F8: variants seen among roughly 807,000 people sequenced by gnomAD.
F8 encodes antihemophilic factor.
F8 carries 12 observed loss-of-function variants against 140.6 expected under a neutral mutation model. The observed-to-expected ratio is 0.09, with a 90% CI of 0.05 to 0.14. The LOEUF is 0.14. Ranked by LOEUF, F8 falls within the 10% of genes least tolerant of loss-of-function variation. The probability of loss-of-function intolerance (pLI) is 1.00; values close to 1 mark genes in which losing one functional copy is unlikely to be tolerated. For missense variants in F8, 1,354 were observed against 1,720.7 expected, an observed-to-expected ratio of 0.79 and a Z score of 3.77; for synonymous variants, 585 against 614.6, an observed-to-expected ratio of 0.95 and a Z score of 0.71.
intron 22 of F8, among the ~76,000 whole-genome samples, chrX:154,874,597 C>T (rs994375123): frequency 1.7e-4 from 19 of 112,239 alleles, no homozygotes; most frequent in African/African-American, 5.8e-4. Context: ...CCATTCGGCC[C>T]TACCTCCCAA....
In F8 at chrX:154,837,207, C is replaced by A. The variant is rs782302954; in HGVS notation, c.*390G>T. 5.0e-6 allele frequency: 1 copy of A among 200,561 alleles called. No individual in the cohort carries two copies. Among genetic ancestry groups the A allele is most frequent in the East Asian group, 1.2e-4 (1 of 8,576 alleles). The allele number at this position is 200,561 out of a possible 1,213,427, so 16.5% of individuals were successfully genotyped here. ...TTTATTTTAAACGTATGAGGCTTAA[C>A]CTGAAATGTTAACATCATAAATATC... On this transcript the variant is annotated 3_prime_UTR_variant, in exon 26 of 26. Transcript: ENST00000360256.
At chrX:154,943,862 C>T (rs1448593591) in intron 13 of F8, among the ~76,000 whole-genome samples, 2 of 111,258 alleles carry the variant, frequency 1.8e-5, no homozygotes, top group Admixed American at 9.6e-5. Flanking sequence ...AGAAATAACG[C>T]CACGCATCTA....
At chrX:155,018,104 G>A (rs1249870952) in intron 1 of F8, among the ~76,000 whole-genome samples, 7 of 109,320 alleles carry the variant, frequency 6.4e-5, no homozygotes, top group African/African-American at 2.0e-4. Context: ...CTGACCTCAG[G>A]TGATCTGCCT....
chrX:154,844,646 CCTGAGACTTTG>C (rs2072549121), intron 25 of F8, among the ~76,000 whole-genome samples: 1 of 111,427 alleles, frequency 9.0e-6, no homozygotes, highest in Non-Finnish European at 1.9e-5. Context: ...GATTTTGTAT[CCTGAGACTTTG>C]CTGAAGTTGC....
At chrX:154,917,053 T>C (rs1323573589) in intron 14 of F8, among the ~76,000 whole-genome samples, 1 of 111,904 alleles carries the variant, frequency 8.9e-6, no homozygotes, top group Non-Finnish European at 1.9e-5. Context: ...TTCAGGAGCA[T>C]GTTGTTTAAT....
chrX:155,000,055 C>T (rs1439919971), intron 1 of F8, among the ~76,000 whole-genome samples: 2 of 112,326 alleles, frequency 1.8e-5, no homozygotes, highest in African/African-American at 6.5e-5. Flanking sequence ...ATCAGTCCTA[C>T]ATTAATGTTC....
chrX:154,920,452 C>T (rs2073123497), intron 14 of F8, among the ~76,000 whole-genome samples: 1 of 110,395 alleles, frequency 9.1e-6, no homozygotes, highest in Non-Finnish European at 1.9e-5. Context: ...CTTCCTCCTA[C>T]ATATTATTAT....
chrX:154,931,047 C>T lies in F8; in HGVS notation c.2743G>A (p.Ala915Thr), dbSNP rs782177467. 2.4e-5 allele frequency: 29 copies of T among 1,194,801 alleles called. No individual in the cohort carries two copies. The highest frequency in any genetic ancestry group is 3.2e-5 in the Non-Finnish European group (28 of 887,864). The change falls in exon 14 of 26, where the codon GCA becomes ACA. Residue 915 changes from alanine (A) to threonine (T), a missense_variant. Around this residue, in one of 4 missense-constraint regions of F8, gnomAD observed 658 missense variants for 666.5 expected, o/e 0.99. Coordinates refer to ENST00000360256, the MANE Select transcript of F8 (RefSeq NM_000132.4). ...ISTIPSDNLAAGTDNTSSLGP... is the reference protein window; with the variant it reads ...ISTIPSDNLATGTDNTSSLGP... ...AAGGAACTTGTATTATCAGTACCTG[C>T]TGCCAAATTGTCTGATGGAATTGTT...
rs1557270916 is a variant in F8, at chrX:154,836,435, G to A, written c.*1162C>T. On this transcript the variant is annotated 3_prime_UTR_variant, in exon 26 of 26. Coordinates refer to ENST00000360256, the MANE Select transcript of F8 (RefSeq NM_000132.4). ...AAGAAGGGGGATCCTATTGTGTGGT[G>A]ATATGGCAGACTGGAGTGTTTTTTC... is the stretch of plus-strand genomic sequence containing the variant. The A allele has an allele frequency of 9.0e-6, 1 of 111,268 alleles. No individual in the cohort carries two copies. Among genetic ancestry groups the A allele is most frequent in the Non-Finnish European group, 1.9e-5 (1 of 53,067 alleles). The allele number at this position is 111,268 out of a possible 1,213,427, so 9.2% of individuals were successfully genotyped here.
At chrX:154,964,446 G>A (rs2073413675) in intron 9 of F8, among the ~76,000 whole-genome samples, 2 of 111,790 alleles carry the variant, frequency 1.8e-5, no homozygotes, top group Admixed American at 1.9e-4. Context: ...TTTTGAAGAA[G>A]TACAATGAAA....
intron 18 of F8, 149 bp from the exon 19 acceptor site, chrX:154,902,316 G>C: frequency 2.0e-6 from 1 of 500,048 alleles, no homozygotes; most frequent in East Asian, 3.6e-5. Context: ...TGCTTGCTAC[G>C]TGACCCTTAC....
chrX:154,923,175 G>A (rs1557277686), intron 14 of F8, among the ~76,000 whole-genome samples: 1 of 111,509 alleles, frequency 9.0e-6, no homozygotes, highest in Admixed American at 9.5e-5. Flanking sequence ...TATTATTACA[G>A]AAGCAGTGCA....
chrX:154,839,569 A>T (rs911806823), intron 25 of F8, among the ~76,000 whole-genome samples: 1 of 110,036 alleles, frequency 9.1e-6, no homozygotes, highest in Non-Finnish European at 1.9e-5. Flanking sequence ...TCACTGTGTT[A>T]GCCAGGATGG....
chrX:154,878,001 T>TA (rs782218719), intron 22 of F8, among the ~76,000 whole-genome samples: 1 of 111,414 alleles, frequency 9.0e-6, no homozygotes, highest in Admixed American at 9.6e-5. Context: ...TAAATTCTAC[T>TA]AAATGTTTAA....
chrX:154,993,200 A>T, intron 3 of F8, 52 bp from the exon 4 acceptor site: 1 of 1,018,444 alleles, frequency 9.8e-7, no homozygotes, highest in Non-Finnish European at 1.4e-6. Flanking sequence ...GTACACTCAA[A>T]GAAACATGTC....
At chrX:154,962,064 G>A (rs73565797) in intron 9 of F8, among the ~76,000 whole-genome samples, 1,143 of 112,107 alleles carry the variant, frequency 0.01, 15 homozygotes, top group African/African-American at 0.035. Context: ...TGTAACATGT[G>A]TGGTTGCAGG....
rs180963693 is a variant in F8, at chrX:154,917,149, T to C, written c.5220-10576A>G. On this transcript the variant is annotated intron_variant, in intron 14 of 25. Coordinates refer to ENST00000360256, the MANE Select transcript of F8 (RefSeq NM_000132.4). Reference sequence around the variant, plus strand: ...CTGTAGTCAGAAAAGATACTTAATATAATTTTATTTTTTTAAATGTTGAGA... The same window carrying C: ...CTGTAGTCAGAAAAGATACTTAATACAATTTTATTTTTTTAAATGTTGAGA... Among the ~76,000 whole-genome samples the C allele has an allele frequency of 8.9e-5, 10 of 112,218 alleles. No homozygotes were observed. In the East Asian group the frequency reaches 2.5e-3, roughly 28 times the overall value.
At chrX:154,847,403 T>C (rs1603431191) in intron 25 of F8, among the ~76,000 whole-genome samples, 1 of 112,217 alleles carries the variant, frequency 8.9e-6, no homozygotes, top group East Asian at 2.8e-4. Flanking sequence ...CCATTCTCCC[T>C]GTCACTTTCA....
At chrX:154,961,217 C>A in intron 9 of F8, 49 bp from the exon 10 acceptor site, 1 of 865,051 alleles carries the variant, frequency 1.2e-6, no homozygotes, top group South Asian at 2.1e-5. Flanking sequence ...CGACTAGGAT[C>A]AACAAGAAAA....
Sources: gnomAD v4.1 joint callset for allele counts (sites outside exome capture counted in the v4.1 genomes callset) on GRCh38, gnomAD v4.1.1 for gene constraint, gnomAD v4.1.1 regional missense constraint, MANE v1.5 for transcripts, NCBI Gene and HGNC (gene_info 2026-07-23, HGNC 2026-07-21) for gene names.